CLPX: variants seen among roughly 807,000 people sequenced by gnomAD.
CLPX encodes the protein caseinolytic mitochondrial matrix peptidase chaperone subunit X.
A neutral mutation model predicts 76.4 loss-of-function variants in CLPX; 34 were observed. The observed-to-expected ratio is 0.45, with a 90% CI of 0.34 to 0.59. The LOEUF is 0.59. Ranked by LOEUF, CLPX falls within the 20% of genes least tolerant of loss-of-function variation. The pLI is 0.01. For synonymous variants in CLPX, 248 were observed against 270.9 expected (o/e 0.92, Z 0.83); for missense variants, 613 against 757.0 (o/e 0.81, Z 2.23).
chr15:65,151,281 G>A (rs1473985081), intron 13 of CLPX, among the ~76,000 whole-genome samples: 1 of 149,488 alleles, frequency 6.7e-6, no homozygotes, highest in East Asian at 1.9e-4. Flanking sequence ...GGAAGTGGAG[G>A]TTGCAGTAAG....
At position 65,149,527 on chromosome 15, in the gene CLPX, T is replaced by C. The variant is rs754661011; in HGVS notation, c.*1296A>G. ...ACTTTCTGAAGATTTAAGCCAGACTTCAATTCCATGTACTCACCCATAGTA... is the reference window on the plus strand; with the variant it reads ...ACTTTCTGAAGATTTAAGCCAGACTCCAATTCCATGTACTCACCCATAGTA... On this transcript the variant is annotated 3_prime_UTR_variant, in exon 14 of 14. Coordinates refer to ENST00000300107, the MANE Select transcript of CLPX (RefSeq NM_006660.5). 1.4e-5 allele frequency: 6 copies of C among 432,900 alleles called. No homozygotes were observed. Among genetic ancestry groups the C allele is most frequent in the Non-Finnish European group, 2.7e-5 (6 of 219,620 alleles). The allele number at this position is 432,900 out of a possible 1,614,324, so 26.8% of individuals were successfully genotyped here.
intron 9 of CLPX, among the ~76,000 whole-genome samples, chr15:65,156,375 G>A (rs1467005638): frequency 6.6e-6 from 1 of 152,052 alleles, no homozygotes. Flanking sequence ...CCCTTTAATA[G>A]TTTATGTCAT....
At chr15:65,156,086 A>G (rs995551199) in intron 9 of CLPX, among the ~76,000 whole-genome samples, 61 of 152,216 alleles carry the variant, frequency 4.0e-4, no homozygotes, top group African/African-American at 1.5e-3. Context: ...TAATTCAGGA[A>G]AACAGTCAAC....
chr15:65,180,048 T>C lies in CLPX; in HGVS notation c.236A>G (p.Asn79Ser), dbSNP rs2088143053. ...GISKDGSGDGNKKSASEGSSK... is the reference protein window; with the variant it reads ...GISKDGSGDGSKKSASEGSSK... The stretch of plus-strand genomic sequence containing the variant: ...CCAATAAGATAAAATAATTACCTTA[T>C]TTCCATCTCCAGAACCATCTTTACT... The change falls in exon 2 of 14, where the codon AAT (asparagine) becomes AGT (serine). Residue 79 changes from asparagine to serine, a missense_variant. Transcript: ENST00000300107. 1.3e-6 allele frequency: 2 copies of C among 1,599,458 alleles called. No individual in the cohort carries two copies. The highest frequency in any genetic ancestry group is 1.7e-6 in the Non-Finnish European group (2 of 1,173,030).
intron 5 of CLPX, among the ~76,000 whole-genome samples, chr15:65,162,853 T>C (rs1383908425): frequency 6.6e-6 from 1 of 152,194 alleles, no homozygotes; most frequent in African/African-American, 2.4e-5. Flanking sequence ...ATTTGTCAAA[T>C]ATATAATTGA....
At chr15:65,178,249 G>T (rs1263030419) in intron 3 of CLPX, among the ~76,000 whole-genome samples, 2 of 152,188 alleles carry the variant, frequency 1.3e-5, no homozygotes, top group Non-Finnish European at 2.9e-5. Context: ...ATATGTATTT[G>T]AAGAAAGTAG....
chr15:65,157,873 A>G lies in CLPX; in HGVS notation c.930T>C (p.Leu310=). 6.2e-7 allele frequency: 1 copy of G among 1,611,268 alleles called. No individual in the cohort carries two copies. Among genetic ancestry groups the G allele is most frequent in the Non-Finnish European group, 8.5e-7 (1 of 1,178,840 alleles). ...AGTCACAGATAGCAAAAGGGACATC[A>G]AGGCATTTAGCTAGGGTTTGTGCCA... ...TLLAQTLAKC[L]DVPFAICDCT... is the part of the protein sequence containing the mutation. Residue 310 remains leucine, a synonymous_variant, in exon 8 of 14, where the codon CTT becomes CTC. Coordinates refer to ENST00000300107, the MANE Select transcript of CLPX (RefSeq NM_006660.5).
At chr15:65,152,881 G>T (rs2087740751) in intron 12 of CLPX, among the ~76,000 whole-genome samples, 1 of 150,908 alleles carries the variant, frequency 6.6e-6, no homozygotes, top group South Asian at 2.1e-4. Context: ...ATGGGCATGA[G>T]CCACCATGCC....
At chr15:65,159,362 A>T (rs1203990217) in intron 6 of CLPX, among the ~76,000 whole-genome samples, 1 of 152,206 alleles carries the variant, frequency 6.6e-6, no homozygotes, top group African/African-American at 2.4e-5. Context: ...TCCTACAAAA[A>T]TAAATCTTTA....
chr15:65,181,971 A>G (rs1236123163), intron 1 of CLPX, among the ~76,000 whole-genome samples: 1 of 151,548 alleles, frequency 6.6e-6, no homozygotes, highest in Non-Finnish European at 1.5e-5. Flanking sequence ...AAAATACAAA[A>G]AATTAGCTGG....
intron 3 of CLPX, among the ~76,000 whole-genome samples, chr15:65,169,313 C>A (rs1159781196): frequency 6.6e-6 from 1 of 152,106 alleles, no homozygotes. Context: ...GTTGCCCAGG[C>A]GGGTCTCAAA....
At chr15:65,160,913 G>A (rs966060636) in intron 6 of CLPX, among the ~76,000 whole-genome samples, 3 of 152,154 alleles carry the variant, frequency 2.0e-5, no homozygotes, top group Non-Finnish European at 4.4e-5. Context: ...TGAGGACCAT[G>A]AGCAAGCAGG....
At chr15:65,164,523 G>C (rs1482901814) in intron 4 of CLPX, among the ~76,000 whole-genome samples, 1 of 151,886 alleles carries the variant, frequency 6.6e-6, no homozygotes, top group East Asian at 1.9e-4. Flanking sequence ...ATGCCACCAT[G>C]GTCTAAAAGT....
intron 1 of CLPX, among the ~76,000 whole-genome samples, chr15:65,183,407 A>G (rs2088204937): frequency 6.7e-6 from 1 of 149,930 alleles, no homozygotes; most frequent in Non-Finnish European, 1.5e-5. Context: ...TTTGCAGTAA[A>G]CTGAGATCTG....
intron 1 of CLPX, chr15:65,184,374 C>A (rs1258427277): frequency 6.6e-6 from 1 of 152,272 alleles, no homozygotes; most frequent in African/African-American, 2.4e-5. Context: ...ACCTCCCGGT[C>A]AAGTTGGGAA....
At chr15:65,157,654 C>A in intron 8 of CLPX, 92 bp downstream of exon 8, 1 of 1,203,284 alleles carries the variant, frequency 8.3e-7, no homozygotes, top group Non-Finnish European at 1.1e-6. Flanking sequence ...GAATTTTAGT[C>A]CTTGACTCAA....
intron 5 of CLPX, 81 bp downstream of exon 5, chr15:65,163,948 A>T: frequency 7.7e-7 from 1 of 1,291,962 alleles, no homozygotes; most frequent in Non-Finnish European, 1.1e-6. Context: ...AAAACATTTT[A>T]AGAAGAAAGT....
Position 65,170,822 on chromosome 15 carries a change from C to CTTTTT in CLPX, c.359-4042_359-4038dup, listed in dbSNP as rs749248279. 1.1e-3 allele frequency among the ~76,000 whole-genome samples: 129 copies of CTTTTT among 118,536 alleles called. 2 individuals carry two copies. The highest frequency in any genetic ancestry group is 2.1e-3 in the East Asian group (8 of 3,742). 77.8% of individuals were successfully genotyped at this position (118,536 alleles called of 152,430 possible). On this transcript the variant is annotated intron_variant, in intron 3 of 13. Coordinates refer to ENST00000300107, the MANE Select transcript of CLPX (RefSeq NM_006660.5). Reference sequence around the variant, plus strand: ...AATCAATTCTTGTGTTTCTGTTCTTCTTTTTTTTTTTTTTTTTTGAGACGG... The same window carrying CTTTTT: ...AATCAATTCTTGTGTTTCTGTTCTTCTTTTTTTTTTTTTTTTTTTTTTTGAGACGG...
At chr15:65,182,914 G>A (rs1374782491) in intron 1 of CLPX, among the ~76,000 whole-genome samples, 1 of 152,180 alleles carries the variant, frequency 6.6e-6, no homozygotes, top group Admixed American at 6.5e-5. Context: ...TGTAATCCTA[G>A]CACTTTGGGA....
Sources: allele counts gnomAD v4.1 joint callset (sites outside exome capture counted in the v4.1 genomes callset), GRCh38; gene constraint gnomAD v4.1.1; transcripts MANE v1.5; gene names NCBI Gene and HGNC (gene_info 2026-07-23, HGNC 2026-07-21).